Variants in ODAD4 observed in about 807,000 individuals in gnomAD.
ODAD4 encodes outer dynein arm-docking complex subunit 4.
In ODAD4, 49 loss-of-function variants were observed where a neutral mutation model predicts 51.8. The ratio of observed to expected loss-of-function variants is 0.95; its 90% confidence interval spans 0.75 to 1.20. The LOEUF (loss-of-function observed/expected upper bound fraction) is 1.20. ODAD4 is among the 50% of genes most tolerant of loss of function. The probability of loss-of-function intolerance (pLI) is 0.00; values close to 1 mark genes in which losing one functional copy is unlikely to be tolerated. For missense variants in ODAD4, 590 were observed against 586.5 expected (o/e 1.01, Z -0.06); for synonymous variants, 235 against 221.3 (o/e 1.06, Z -0.55).
intron 8 of ODAD4, among the ~76,000 whole-genome samples, chr17:41,946,037 T>G (rs541413063): frequency 2.0e-5 from 3 of 152,354 alleles, no homozygotes; most frequent in African/African-American, 7.2e-5. Flanking sequence ...TTCCCCTGAT[T>G]CTTCCCTTAG....
At chr17:41,951,777 G>GGGA (rs2050656169) in intron 9 of ODAD4, among the ~76,000 whole-genome samples, 1 of 150,234 alleles carries the variant, frequency 6.7e-6, no homozygotes, top group Non-Finnish European at 1.5e-5. Context: ...CCAACTACTC[G>GGGA]GGAGGCTGAG....
At chr17:41,933,654 A>G (rs2050381172) in intron 1 of ODAD4, among the ~76,000 whole-genome samples, 1 of 149,600 alleles carries the variant, frequency 6.7e-6, no homozygotes, top group South Asian at 2.1e-4. Flanking sequence ...CGCCATCTCA[A>G]AAAAAAAAAA....
intron 10 of ODAD4, among the ~76,000 whole-genome samples, chr17:41,960,938 C>A (rs1226738194): frequency 6.6e-6 from 1 of 152,206 alleles, no homozygotes; most frequent in African/African-American, 2.4e-5. Flanking sequence ...GGGGAAACTG[C>A]AGACATTCTG....
intron 9 of ODAD4, among the ~76,000 whole-genome samples, chr17:41,953,027 G>A (rs2050680874): frequency 6.6e-6 from 1 of 152,126 alleles, no homozygotes; most frequent in Admixed American, 6.6e-5. Context: ...ATGAGCCGCT[G>A]TGTCTAGCCA....
At chr17:41,937,623 A>G (rs901093024) in intron 5 of ODAD4, among the ~76,000 whole-genome samples, 2 of 152,114 alleles carry the variant, frequency 1.3e-5, no homozygotes, top group Non-Finnish European at 2.9e-5. Context: ...GGCGCCCACA[A>G]CCACATCCGG....
At chr17:41,934,044 T>C (rs1567927701) in intron 1 of ODAD4, among the ~76,000 whole-genome samples, 1 of 121,078 alleles carries the variant, frequency 8.3e-6, no homozygotes, top group East Asian at 2.5e-4. Flanking sequence ...CTTTCTTTTT[T>C]TTTTTTTTTT....
rs1555638336 is a variant in ODAD4, at chr17:41,939,024, G to T, written c.910G>T (p.Val304Leu). 1.2e-6 allele frequency: 2 copies of T among 1,613,310 alleles called. No individual in the cohort carries two copies. Among genetic ancestry groups the T allele is most frequent in the Non-Finnish European group, 1.7e-6 (2 of 1,179,628 alleles). ...LQKAEKVLKK[V>L]LEWNKEEVPN... ...GAAAGCTGAGAAAGTGCTGAAGAAG[G>T]TACTGGAATGGAACAAGGAAGAGGT... Residue 304 changes from valine to leucine, a missense_variant, in exon 7 of 12, where the codon GTA (valine) becomes TTA (leucine). By Grantham distance (32) the Val-to-Leu change is conservative (BLOSUM62 1). This residue lies in a region of ODAD4 where 360 missense variants were observed against 407.5 expected (regional missense o/e 0.88). Transcript: ENST00000377540.
At chr17:41,952,680 A>G (rs1555640364) in intron 9 of ODAD4, 1 of 515,326 alleles carries the variant, frequency 1.9e-6, no homozygotes, top group African/African-American at 1.9e-5. Context: ...GAATACTGCG[A>G]CTCCACATAT....
At chr17:41,950,217 G>T (rs887606552) in intron 9 of ODAD4, among the ~76,000 whole-genome samples, 2 of 152,164 alleles carry the variant, frequency 1.3e-5, no homozygotes, top group Admixed American at 6.5e-5. Context: ...TGATCCACCC[G>T]CCTCAGCTTC....
chr17:41,935,961 A>C (rs981352688), intron 3 of ODAD4, among the ~76,000 whole-genome samples: 1 of 152,166 alleles, frequency 6.6e-6, no homozygotes, highest in Non-Finnish European at 1.5e-5. Flanking sequence ...TGATGCACAC[A>C]CTGATCTCTG....
intron 9 of ODAD4, among the ~76,000 whole-genome samples, chr17:41,950,227 C>A (rs941962948): frequency 2.7e-4 from 41 of 152,262 alleles, no homozygotes; most frequent in Non-Finnish European, 4.4e-4. Flanking sequence ...GCCTCAGCTT[C>A]CCAAAGTGCT....
chr17:41,953,634 C>G (rs1162549588), intron 9 of ODAD4, among the ~76,000 whole-genome samples: 1 of 150,480 alleles, frequency 6.6e-6, no homozygotes, highest in Non-Finnish European at 1.5e-5. Flanking sequence ...ATGGTGAGAC[C>G]CTGTCTCTAT....
rs782012563 is a variant in ODAD4 at position 41,935,732 on chromosome 17, T to C, written c.380T>C (p.Ile127Thr). The C allele has an allele frequency of 5.3e-5, 85 of 1,613,810 alleles. No individual in the cohort carries two copies. The highest frequency in any genetic ancestry group is 5.3e-5 in the Non-Finnish European group (63 of 1,179,872). ...RVGIQKAQEAINNSVGSPSSI... is the reference protein window; with the variant it reads ...RVGIQKAQEATNNSVGSPSSI... ...GGCATTCAGAAAGCCCAGGAAGCCA[T>C]CAACAACTCAGTGGGAAGTGAGTGA... Residue 127 changes from isoleucine to threonine, a missense_variant, in exon 3 of 12, where the codon ATC (isoleucine) becomes ACC (threonine). Coordinates refer to ENST00000377540, the MANE Select transcript of ODAD4 (RefSeq NM_031421.5).
chr17:41,946,935 C>T (rs1159791342), intron 8 of ODAD4, among the ~76,000 whole-genome samples: 4 of 151,702 alleles, frequency 2.6e-5, no homozygotes, highest in Non-Finnish European at 4.4e-5. Flanking sequence ...ACTGCAAGCT[C>T]CACCTCCCGG....
At position 41,966,181 on chromosome 17, in the gene ODAD4, G is replaced by A. The variant is rs1346162669; in HGVS notation, c.*698G>A. The stretch of plus-strand genomic sequence containing the variant: ...CAACGGAGCTCTCAGTGGTTTCACA[G>A]AGGAGGTGGCAGCTGAGGATCTGGC... On this transcript the variant is annotated 3_prime_UTR_variant, in exon 12 of 12. Transcript: ENST00000377540. Among the ~76,000 whole-genome samples, 1 of 152,216 alleles carries A rather than the reference G, an allele frequency of 6.6e-6. No individual in the cohort carries two copies. The highest frequency in any genetic ancestry group is 2.4e-5 in the African/African-American group (1 of 41,466).
chr17:41,951,191 T>A (rs1464225030), intron 9 of ODAD4, among the ~76,000 whole-genome samples: 1 of 151,242 alleles, frequency 6.6e-6, no homozygotes, highest in Non-Finnish European at 1.5e-5. Context: ...TTCAAGCTAT[T>A]CTCCTGCCTC....
rs1160477402 is a variant in ODAD4 at position 41,936,474 on chromosome 17, T to G, written c.399T>G (p.Ser133Arg). The stretch of plus-strand genomic sequence containing the variant: ...GAGCTCCAGCTTCTTTCCTTGCAGG[T>G]CCTTCTTCCATTAAGCTGGAGAACA... The part of the protein sequence containing the change: ...AQEAINNSVG[S>R]PSSIKLENKG... The change falls in exon 4 of 12, where the codon AGT becomes AGG. Residue 133 changes from serine to arginine, a missense_variant and splice_region_variant. By Grantham distance (110) the Ser-to-Arg change is moderately radical. This residue lies in a region of ODAD4 where 360 missense variants were observed against 407.5 expected (regional missense o/e 0.88). Coordinates refer to ENST00000377540, the MANE Select transcript of ODAD4 (RefSeq NM_031421.5). 10 of 1,612,416 alleles carry G rather than the reference T, an allele frequency of 6.2e-6. No individual in the cohort carries two copies. The African/African-American group carries it at 1.3e-4, about 22-fold the overall frequency.
chr17:41,943,784 A>G (rs1443226054), intron 7 of ODAD4, among the ~76,000 whole-genome samples: 7 of 152,014 alleles, frequency 4.6e-5, no homozygotes, highest in Non-Finnish European at 1.0e-4. Flanking sequence ...GCCTGGGCAA[A>G]TTAGTCAGAT....
chr17:41,937,802 C>T (rs1306786797), intron 5 of ODAD4, among the ~76,000 whole-genome samples: 1 of 152,226 alleles, frequency 6.6e-6, no homozygotes, highest in African/African-American at 2.4e-5. Context: ...ACACTGCTGC[C>T]AGTGACAGGA....
Sources: allele counts gnomAD v4.1 joint callset (sites outside exome capture counted in the v4.1 genomes callset), GRCh38; gene constraint gnomAD v4.1.1; regional missense constraint gnomAD v4.1.1; transcripts MANE v1.5; gene names NCBI Gene and HGNC (gene_info 2026-07-23, HGNC 2026-07-21).